SNX29: variants seen among roughly 807,000 people sequenced by gnomAD.
SNX29 encodes the protein sorting nexin 29, also known as sorting nexin-29.
A neutral mutation model predicts 102.1 loss-of-function variants in SNX29; 78 were observed. The ratio of observed to expected loss-of-function variants is 0.76; its 90% CI spans 0.64 to 0.92. The LOEUF (loss-of-function observed/expected upper bound fraction) is 0.92, where lower values mean the gene tolerates loss of function less well. SNX29 is among the 40% of genes least tolerant of loss of function. SNX29 has a pLI of 0.00. For synonymous variants in SNX29, 580 were observed against 414.5 expected, an observed-to-expected ratio of 1.40 and a Z score of -4.85; for missense variants, 1,280 against 1,061.7, an observed-to-expected ratio of 1.21 and a Z score of -2.86.
rs58148692 is a variant in SNX29, at chr16:12,339,370, C to CAAAAAAAAAAAAA, written c.1783-16781_1783-16769dup. On this transcript the variant is annotated intron_variant, in intron 15 of 20. Transcript: ENST00000566228. The stretch of plus-strand genomic sequence containing the variant: ...TGGGCGACAGAGTGAGATTCTGTCT[C>CAAAAAAAAAAAAA]AAAAAAAAAAAAAAAAAAAAAAAAG... 2.9e-3 allele frequency among the ~76,000 whole-genome samples: 161 copies of CAAAAAAAAAAAAA among 56,266 alleles called. 18 individuals are homozygous for CAAAAAAAAAAAAA. The highest frequency in any genetic ancestry group is 0.012 in the African/African-American group (144 of 12,414). 36.9% of individuals were successfully genotyped at this position (56,266 alleles called of 152,430 possible).
At chr16:12,385,718 T>A (rs1329198028) in intron 16 of SNX29, among the ~76,000 whole-genome samples, 1 of 152,230 alleles carries the variant, frequency 6.6e-6, no homozygotes, top group Non-Finnish European at 1.5e-5. Flanking sequence ...TATCGACAAC[T>A]GACAATAATA....
intron 18 of SNX29, among the ~76,000 whole-genome samples, chr16:12,438,621 G>T (rs2085649842): frequency 6.6e-6 from 1 of 152,238 alleles, no homozygotes; most frequent in Non-Finnish European, 1.5e-5. Flanking sequence ...GTCTGTGGTG[G>T]CAAGGATAGC....
intron 2 of SNX29, among the ~76,000 whole-genome samples, chr16:12,001,271 C>A (rs1046965645): frequency 6.6e-6 from 1 of 151,988 alleles, no homozygotes; most frequent in African/African-American, 2.4e-5. Context: ...GCCATCACAC[C>A]CGGCTAATTT....
intron 8 of SNX29, among the ~76,000 whole-genome samples, chr16:12,059,256 A>G (rs1485547459): frequency 6.6e-6 from 1 of 152,154 alleles, no homozygotes; most frequent in Admixed American, 6.5e-5. Context: ...CCTAGAAAGG[A>G]CTGTCTGCTT....
intron 15 of SNX29, among the ~76,000 whole-genome samples, chr16:12,335,760 A>G (rs2081428599): frequency 6.6e-6 from 1 of 151,920 alleles, no homozygotes; most frequent in African/African-American, 2.4e-5. Context: ...CAGTGTGTTA[A>G]GTGCCTTCCC....
intron 18 of SNX29, among the ~76,000 whole-genome samples, chr16:12,411,770 C>T (rs1217002801): frequency 5.3e-5 from 8 of 152,086 alleles, no homozygotes; most frequent in East Asian, 3.9e-4. Flanking sequence ...GGAGGAGGGA[C>T]GGGACACCAC....
intron 15 of SNX29, among the ~76,000 whole-genome samples, chr16:12,320,169 C>G (rs1025556133): frequency 2.6e-5 from 4 of 152,052 alleles, no homozygotes; most frequent in African/African-American, 9.7e-5. Context: ...AGTAAAGGGC[C>G]GACCCTGACT....
At chr16:12,091,499 C>T (rs1021560195) in intron 11 of SNX29, among the ~76,000 whole-genome samples, 8 of 151,992 alleles carry the variant, frequency 5.3e-5, no homozygotes, top group African/African-American at 1.9e-4. Flanking sequence ...AAAAAGGGAC[C>T]CCAGAGGTTG....
chr16:12,525,240 C>T (rs185267344), intron 20 of SNX29, among the ~76,000 whole-genome samples: 7 of 151,730 alleles, frequency 4.6e-5, no homozygotes, highest in African/African-American at 7.3e-5. Flanking sequence ...CAGACTCCTA[C>T]CAGTATTGAC....
chr16:12,541,136 G>A (rs906490024), intron 20 of SNX29, among the ~76,000 whole-genome samples: 1 of 152,196 alleles, frequency 6.6e-6, no homozygotes, highest in Non-Finnish European at 1.5e-5. Context: ...ACAGGGGGAG[G>A]TGACCTTACT....
rs368460786 is a variant in SNX29 at position 12,403,520 on chromosome 16, C to T, written c.2028C>T (p.His676=). The T allele has an allele frequency of 3.5e-5, 56 of 1,605,750 alleles. No homozygotes were observed. Among genetic ancestry groups the T allele is most frequent in the South Asian group, 3.5e-4 (31 of 88,926 alleles). The change falls in exon 18 of 21, where the codon CAC becomes CAT. Residue 676 remains histidine (H), a synonymous_variant. Transcript: ENST00000566228. ...FLRGKAANAF[H]VYQVYIRIKD... The stretch of plus-strand genomic sequence containing the variant: ...GGGGCAAAGCAGCAAATGCATTCCA[C>T]GTGTATCAGGTGAGTGCCTGGTTTT...
chr16:12,056,574 T>C (rs928149227), intron 8 of SNX29, among the ~76,000 whole-genome samples: 2 of 152,190 alleles, frequency 1.3e-5, no homozygotes, highest in Non-Finnish European at 2.9e-5. Context: ...AGAAGCTCAC[T>C]GTGGATTGCC....
intron 3 of SNX29, among the ~76,000 whole-genome samples, chr16:12,017,929 C>T (rs1254687644): frequency 6.6e-6 from 1 of 151,724 alleles, no homozygotes; most frequent in Non-Finnish European, 1.5e-5. Context: ...TTTTTTGAGA[C>T]GAAGTCTCTC....
chr16:12,121,463 C>T (rs569628276), intron 11 of SNX29, among the ~76,000 whole-genome samples: 7 of 152,370 alleles, frequency 4.6e-5, no homozygotes, highest in East Asian at 3.9e-4. Context: ...GCACTTCTCC[C>T]GCTGGCCCTT....
chr16:12,054,318 G>C (rs1293850857), intron 8 of SNX29, among the ~76,000 whole-genome samples: 2 of 152,176 alleles, frequency 1.3e-5, no homozygotes, highest in Non-Finnish European at 2.9e-5. Context: ...TTGATTTGTT[G>C]ATGTAATGGT....
intron 4 of SNX29, among the ~76,000 whole-genome samples, chr16:12,031,882 A>C (rs1178245076): frequency 6.6e-6 from 1 of 152,192 alleles, no homozygotes; most frequent in Non-Finnish European, 1.5e-5. Flanking sequence ...CAGCCATTTG[A>C]AGTGTACAAT....
chr16:12,094,876 C>T (rs770780990), intron 11 of SNX29, among the ~76,000 whole-genome samples: 1 of 151,766 alleles, frequency 6.6e-6, no homozygotes, highest in Non-Finnish European at 1.5e-5. Flanking sequence ...TTTTTAAAAC[C>T]TCTCGCCTCC....
intron 16 of SNX29, among the ~76,000 whole-genome samples, chr16:12,366,233 C>A (rs2082476090): frequency 6.6e-6 from 1 of 152,058 alleles, no homozygotes; most frequent in African/African-American, 2.4e-5. Context: ...CACGGGGGTG[C>A]TCCGTGCTTC....
chr16:11,981,145 G>T lies in SNX29; in HGVS notation c.7+4332G>T, dbSNP rs2055404782. Reference sequence around the variant, plus strand: ...CCCACACCCAGCTAACTTTTTTGTTGTTTCAGTAGAGATGGGGTTTTGCCA... The same window carrying T: ...CCCACACCCAGCTAACTTTTTTGTTTTTTCAGTAGAGATGGGGTTTTGCCA... On this transcript the variant is annotated intron_variant, in intron 1 of 20. Transcript: ENST00000566228. 2.0e-5 allele frequency among the ~76,000 whole-genome samples: 3 copies of T among 151,790 alleles called. No individual in the cohort carries two copies. The South Asian group carries it at 6.2e-4, about 32-fold the overall frequency.
Sources: allele counts gnomAD v4.1 joint callset (sites outside exome capture counted in the v4.1 genomes callset), GRCh38; gene constraint gnomAD v4.1.1; transcripts MANE v1.5; gene names NCBI Gene and HGNC (gene_info 2026-07-23, HGNC 2026-07-21).